ODAD2: variants seen among roughly 807,000 people sequenced by gnomAD.
ODAD2 encodes the protein outer dynein arm-docking complex subunit 2.
Under a neutral mutation model 106.8 loss-of-function variants are expected in ODAD2, and 89 were observed. The ratio of observed to expected loss-of-function variants is 0.83; its 90% CI spans 0.70 to 0.99. The LOEUF (loss-of-function observed/expected upper bound fraction) is 0.99, where lower values mean the gene tolerates loss of function less well. ODAD2 is among the 50% of genes least tolerant of loss of function. ODAD2 has a pLI of 0.00. For missense variants in ODAD2, 1,168 were observed against 1,238.5 expected (o/e 0.94, Z 0.85); for synonymous variants, 404 against 436.2 (o/e 0.93, Z 0.92).
chr10:27,929,497 T>C (rs1309366180), intron 16 of ODAD2, among the ~76,000 whole-genome samples: 1 of 152,178 alleles, frequency 6.6e-6, no homozygotes, highest in Non-Finnish European at 1.5e-5. Flanking sequence ...CTTAGCTTAA[T>C]ATTTAAATGA....
At chr10:27,860,481 T>C (rs2133321343) in intron 19 of ODAD2, 144 bp downstream of exon 19, 1 of 706,244 alleles carries the variant, frequency 1.4e-6, no homozygotes, top group South Asian at 1.8e-5. Flanking sequence ...TGATAACACA[T>C]GGCTTGAATG....
chr10:27,971,038 G>C, intron 8 of ODAD2, 70 bp downstream of exon 8: 1 of 716,016 alleles, frequency 1.4e-6, no homozygotes, highest in Non-Finnish European at 2.2e-6. Flanking sequence ...ATAAAATAAA[G>C]TTCTGTGAAA....
At chr10:27,982,434 C>T (rs1301796115) in intron 6 of ODAD2, among the ~76,000 whole-genome samples, 3 of 152,074 alleles carry the variant, frequency 2.0e-5, no homozygotes, top group African/African-American at 7.2e-5. Flanking sequence ...CTCCCTGCCC[C>T]CCTCCAGAAG....
At chr10:27,867,669 G>C (rs559687124) in intron 17 of ODAD2, among the ~76,000 whole-genome samples, 3 of 152,242 alleles carry the variant, frequency 2.0e-5, no homozygotes, top group Non-Finnish European at 2.9e-5. Context: ...ATAAGCAAGG[G>C]CTGGGTGCAG....
At chr10:27,890,993 G>A (rs891684800) in intron 17 of ODAD2, among the ~76,000 whole-genome samples, 3 of 152,020 alleles carry the variant, frequency 2.0e-5, no homozygotes, top group Admixed American at 6.6e-5. Flanking sequence ...CGATATATTC[G>A]ACAGCCCAAA....
intron 17 of ODAD2, among the ~76,000 whole-genome samples, chr10:27,884,504 A>T (rs546704560): frequency 1.3e-5 from 2 of 152,278 alleles, no homozygotes; most frequent in Non-Finnish European, 2.9e-5. Context: ...TTCAGCCGGA[A>T]GGACCAAAGT....
At chr10:27,902,699 A>G (rs980805820) in intron 17 of ODAD2, among the ~76,000 whole-genome samples, 1 of 152,238 alleles carries the variant, frequency 6.6e-6, no homozygotes, top group African/African-American at 2.4e-5. Context: ...AAAATCGAGA[A>G]GAAATGGATA....
At chr10:27,990,348 A>G (rs1315645968) in intron 2 of ODAD2, among the ~76,000 whole-genome samples, 1 of 152,034 alleles carries the variant, frequency 6.6e-6, no homozygotes, top group East Asian at 1.9e-4. Flanking sequence ...TTTATTTATT[A>G]TTTATTTTTT....
chr10:27,965,145 A>T (rs977051566), intron 9 of ODAD2, among the ~76,000 whole-genome samples: 2 of 152,202 alleles, frequency 1.3e-5, no homozygotes, highest in African/African-American at 4.8e-5. Context: ...ATAGTCAGTC[A>T]ATGTCAAAAT....
At chr10:27,973,040 A>G (rs1430995600) in intron 7 of ODAD2, among the ~76,000 whole-genome samples, 2 of 152,196 alleles carry the variant, frequency 1.3e-5, no homozygotes, top group Non-Finnish European at 2.9e-5. Flanking sequence ...AAGTAACTAA[A>G]ATCATATAAA....
chr10:27,861,374 G>A (rs535216080), intron 18 of ODAD2, among the ~76,000 whole-genome samples: 5 of 152,316 alleles, frequency 3.3e-5, no homozygotes, highest in African/African-American at 9.6e-5. Flanking sequence ...TGTAGTCAGT[G>A]CACTCAAAGG....
rs1846268251 is a variant in ODAD2, at chr10:27,939,945, AT to A, written c.2048del (p.Asn683IlefsTer50). On this transcript the variant is annotated frameshift_variant, in exon 14 of 20. Transcript: ENST00000305242. LOFTEE classifies it high-confidence loss of function. ...RIIENLVKNLNSENEQLQEHC... is the reference protein window; with the variant it reads ...RIIENLVKNLXSENEQLQEHC... ...GCTCCTGCAGCTGCTCATTCTCACTATTTAGGTTCTTGACAAGGTTTTCAAT... is the reference window on the plus strand; with the variant it reads ...GCTCCTGCAGCTGCTCATTCTCACTATTAGGTTCTTGACAAGGTTTTCAAT... 6.2e-7 allele frequency: 1 copy of A among 1,611,420 alleles called. No homozygotes were observed. The highest frequency in any genetic ancestry group is 1.3e-5 in the African/African-American group (1 of 74,760).
chr10:27,919,341 T>C (rs1844613667), intron 16 of ODAD2, among the ~76,000 whole-genome samples: 1 of 152,054 alleles, frequency 6.6e-6, no homozygotes, highest in South Asian at 2.1e-4. Flanking sequence ...ACCGAAAAAT[T>C]GACCTTCCTC....
At chr10:27,914,707 T>C (rs1418590449) in intron 16 of ODAD2, among the ~76,000 whole-genome samples, 2 of 152,024 alleles carry the variant, frequency 1.3e-5, no homozygotes, top group African/African-American at 2.4e-5. Context: ...TATGTGTGTG[T>C]ATATAAATAT....
chr10:27,977,892 A>C (rs752875026), intron 7 of ODAD2, among the ~76,000 whole-genome samples: 13 of 152,218 alleles, frequency 8.5e-5, no homozygotes, highest in Non-Finnish European at 1.6e-4. Flanking sequence ...AATGATGAGT[A>C]TGTGGAAGAA....
At chr10:27,937,448 GACAA>G (rs1846074337) in intron 14 of ODAD2, among the ~76,000 whole-genome samples, 1 of 150,578 alleles carries the variant, frequency 6.6e-6, no homozygotes, top group Non-Finnish European at 1.5e-5. Context: ...GGTGATTAGA[GACAA>G]ACAATTTCTC....
At chr10:27,864,754 A>G (rs544241629) in intron 17 of ODAD2, among the ~76,000 whole-genome samples, 1 of 152,106 alleles carries the variant, frequency 6.6e-6, no homozygotes, top group Non-Finnish European at 1.5e-5. Flanking sequence ...GGGTGAGTGT[A>G]ATGTCCACCA....
chr10:27,921,467 A>G (rs1477757896), intron 16 of ODAD2, among the ~76,000 whole-genome samples: 1 of 152,078 alleles, frequency 6.6e-6, no homozygotes. Flanking sequence ...GGTAGTTTGT[A>G]TAAAAGAACA....
intron 7 of ODAD2, among the ~76,000 whole-genome samples, chr10:27,973,222 T>TACATACATACAC (rs1236548491): frequency 6.6e-6 from 1 of 151,606 alleles, no homozygotes; most frequent in African/African-American, 2.4e-5. Flanking sequence ...AATACATACA[T>TACATACATACAC]ACATACATAC....
Sources: gnomAD v4.1 joint callset for allele counts (sites outside exome capture counted in the v4.1 genomes callset) on GRCh38, gnomAD v4.1.1 for gene constraint, MANE v1.5 for transcripts, NCBI Gene and HGNC (gene_info 2026-07-23, HGNC 2026-07-21) for gene names.